The following SRSF1 variants were observed in gnomAD, a reference collection of about 807,000 sequenced individuals.
SRSF1 encodes serine/arginine-rich splicing factor 1.
In SRSF1, 1 loss-of-function variant was observed where a neutral mutation model predicts 25.9. The observed-to-expected ratio is 0.04, with a 90% CI of 0.01 to 0.18. SRSF1 has a LOEUF of 0.18. Ranked by LOEUF, SRSF1 falls within the 10% of genes least tolerant of loss-of-function variation. The pLI is 1.00. For synonymous variants in SRSF1, 132 were observed against 126.2 expected, an observed-to-expected ratio of 1.05 and a Z score of -0.31; for missense variants, 65 against 350.5, an observed-to-expected ratio of 0.19 and a Z score of 6.50.
chr17:57,997,744 A>C (rs981429354), downstream of SRSF1, among the ~76,000 whole-genome samples: 1 of 152,234 alleles, frequency 6.6e-6, no homozygotes, highest in Non-Finnish European at 1.5e-5. Context: ...CTATTTGGCA[A>C]GTAAACACAT....
At chr17:58,006,232 C>CA in intron 2 of SRSF1, 111 bp downstream of exon 2, 3 of 1,345,268 alleles carry the variant, frequency 2.2e-6, no homozygotes, top group Non-Finnish European at 3.1e-6. Context: ...AAAACTAAAG[C>CA]AATTTAAGAC....
chr17:57,996,080 G>A (rs925674903), downstream of SRSF1, among the ~76,000 whole-genome samples: 2 of 152,224 alleles, frequency 1.3e-5, no homozygotes, highest in South Asian at 4.1e-4. Flanking sequence ...TTTAAGCTAT[G>A]TGGCACACCT....
downstream of SRSF1, among the ~76,000 whole-genome samples, chr17:57,999,669 T>C (rs1480118190): frequency 3.9e-5 from 6 of 152,196 alleles, no homozygotes; most frequent in Admixed American, 6.5e-5. Context: ...CTTAATTTTG[T>C]GTTATAGCTC....
In SRSF1 at chr17:58,004,085, T is replaced by C. The variant is rs572069768; in HGVS notation, c.*1321A>G. ...AAGGTTTCTGGGGAATGATGAGTTA[T>C]GTCTGTCATCAGTTTAACAGATGCA... On this transcript the variant is annotated 3_prime_UTR_variant, in exon 4 of 4. Coordinates refer to ENST00000258962, the MANE Select transcript of SRSF1 (RefSeq NM_006924.5). 2.3e-4 allele frequency: 35 copies of C among 152,786 alleles called. No individual in the cohort carries two copies. Among genetic ancestry groups the C allele is most frequent in the Non-Finnish European group, 4.7e-4 (32 of 68,030 alleles). The allele number at this position is 152,786 out of a possible 1,614,324, so 9.5% of individuals were successfully genotyped here.
At chr17:58,000,268 A>G (rs1349162446), downstream of SRSF1, among the ~76,000 whole-genome samples, 1 of 152,182 alleles carries the variant, frequency 6.6e-6, no homozygotes, top group Non-Finnish European at 1.5e-5. Flanking sequence ...AATAACAGGA[A>G]TAAGTACTGG....
the SRSF1 span, among the ~76,000 whole-genome samples, chr17:57,995,410 C>T: frequency 6.6e-6 from 1 of 152,214 alleles, no homozygotes; most frequent in East Asian, 1.9e-4. Flanking sequence ...TGGGGCCAGC[C>T]TCAATAGTAG....
At chr17:58,000,866 G>T (rs978269333), downstream of SRSF1, among the ~76,000 whole-genome samples, 1 of 152,160 alleles carries the variant, frequency 6.6e-6, no homozygotes, top group African/African-American at 2.4e-5. Context: ...AATGAATAAT[G>T]AAGTTCAACA....
chr17:57,989,204 T>C, the SRSF1 span: 1 of 398,472 alleles, frequency 2.5e-6, no homozygotes, highest in African/African-American at 2.1e-5. Flanking sequence ...TGGAACTTTG[T>C]AGATGAGGAG....
chr17:58,002,622 T>A lies in SRSF1; in HGVS notation c.*2784A>T, dbSNP rs1327471985. Among the ~76,000 whole-genome samples, 2 of 152,170 alleles carry A rather than the reference T, an allele frequency of 1.3e-5. No homozygotes were observed. The highest frequency in any genetic ancestry group is 4.8e-5 in the African/African-American group (2 of 41,428). ...TTGGAGAAGGGCTTATAAGGCAAAA[T>A]TCTAAATGCCCAGCTTTTTATTAAC... On this transcript the variant is annotated 3_prime_UTR_variant, in exon 4 of 4. Coordinates refer to ENST00000258962, the MANE Select transcript of SRSF1 (RefSeq NM_006924.5).
intron 2 of SRSF1, 149 bp from the exon 3 acceptor site, chr17:58,006,122 TC>T: frequency 1.0e-6 from 1 of 973,310 alleles, no homozygotes; most frequent in Non-Finnish European, 1.5e-6. Flanking sequence ...GATTCTGGAA[TC>T]CAGAGTCCAA....
chr17:58,006,089 T>C (rs927843536), intron 2 of SRSF1, 116 bp from the exon 3 acceptor site: 12 of 1,055,888 alleles, frequency 1.1e-5, no homozygotes, highest in Middle Eastern at 2.4e-4. Flanking sequence ...ACTTAAGTGA[T>C]ACCAGGTAAA....
Position 58,007,219 on chromosome 17 carries a change from A to C in SRSF1, c.-82T>G, listed in dbSNP as rs1029642646. On this transcript the variant is annotated 5_prime_UTR_variant, in exon 1 of 4. Transcript: ENST00000258962. ...GGCAGAGCGAGCCCGCAGCGGCACC[A>C]CGTCTCCCGCGGCCCCTCCAAAATG... is the stretch of plus-strand genomic sequence containing the variant. 25 of 1,532,792 alleles carry C rather than the reference A, an allele frequency of 1.6e-5. No homozygotes were observed. In the African/African-American group the frequency reaches 2.9e-4, roughly 17 times the overall value. The allele number at this position is 1,532,792 out of a possible 1,614,324, so 94.9% of individuals were successfully genotyped here. A position where few individuals can be genotyped will look rare whatever the true frequency, so the allele number is the denominator to read the frequency against.
At chr17:57,990,328 G>A in the SRSF1 span, 6 of 151,996 alleles carry the variant, frequency 3.9e-5, no homozygotes, top group East Asian at 5.8e-4. Context: ...CTTTTCTTGA[G>A]GAAAATGGCT....
chr17:58,006,838 CCTCT>C (rs898791252), intron 1 of SRSF1, 102 bp downstream of exon 1: 218 of 1,368,470 alleles, frequency 1.6e-4, no homozygotes, highest in Admixed American at 5.1e-4. Flanking sequence ...CTCGCCCCAA[CCTCT>C]CTAAGAGCCC....
chr17:58,003,203 C>G lies in SRSF1; in HGVS notation c.*2203G>C, dbSNP rs192506251. 2.0e-5 allele frequency among the ~76,000 whole-genome samples: 3 copies of G among 152,278 alleles called. No homozygotes were observed. The East Asian group carries it at 5.8e-4, about 29-fold the overall frequency. ...ATAAGCAGCATCTATAGTTTTTTAA[C>G]CACTTTATAACAAAGTAGAGAAGCT... On this transcript the variant is annotated 3_prime_UTR_variant, in exon 4 of 4. Transcript: ENST00000258962.
chr17:58,007,177 C>G lies in SRSF1; in HGVS notation c.-40G>C. 6.2e-7 allele frequency: 1 copy of G among 1,609,330 alleles called. No individual in the cohort carries two copies. The highest frequency in any genetic ancestry group is 8.5e-7 in the Non-Finnish European group (1 of 1,177,718). On this transcript the variant is annotated 5_prime_UTR_variant, in exon 1 of 4. Transcript: ENST00000258962. ...GCGCGGACTCGAGAACAGGCCTTCC[C>G]ACCAAGCCTAGCGCACGGCAGAGCG...
downstream of SRSF1, among the ~76,000 whole-genome samples, chr17:57,998,806 T>C (rs894939221): frequency 6.6e-6 from 1 of 152,246 alleles, no homozygotes; most frequent in South Asian, 2.1e-4. Context: ...TTGTCCACTT[T>C]TAGTGCTTTA....
the SRSF1 span, among the ~76,000 whole-genome samples, chr17:57,995,432 G>A: frequency 1.3e-5 from 2 of 152,184 alleles, no homozygotes; most frequent in African/African-American, 2.4e-5. Context: ...GGTCAAAAGA[G>A]GGCCAGGGCT....
downstream of SRSF1, among the ~76,000 whole-genome samples, chr17:57,998,319 T>C (rs1280595913): frequency 7.2e-5 from 11 of 152,204 alleles, no homozygotes; most frequent in Non-Finnish European, 2.9e-5. Flanking sequence ...CCCAGTCCTA[T>C]CTAAAGGTTA....
Sources: allele counts gnomAD v4.1 joint callset (sites outside exome capture counted in the v4.1 genomes callset), GRCh38; gene constraint gnomAD v4.1.1; transcripts MANE v1.5; gene names NCBI Gene and HGNC (gene_info 2026-07-23, HGNC 2026-07-21).